CASP8: variants seen among roughly 807,000 people sequenced by gnomAD.
The protein encoded by CASP8 is caspase-8.
Under a neutral mutation model 46.3 loss-of-function variants are expected in CASP8, and 24 were observed. The ratio of observed to expected loss-of-function variants is 0.52; its 90% CI spans 0.38 to 0.73. CASP8 has a LOEUF of 0.73. Ranked by LOEUF, CASP8 falls within the 30% of genes least tolerant of loss-of-function variation. The pLI is 0.00. For missense variants in CASP8, 460 were observed against 559.0 expected (o/e 0.82, Z 1.79); for synonymous variants, 188 against 200.4 (o/e 0.94, Z 0.52).
intron 2 of CASP8, among the ~76,000 whole-genome samples, chr2:201,252,040 G>C: frequency 6.6e-6 from 1 of 152,132 alleles, no homozygotes; most frequent in Non-Finnish European, 1.5e-5. Context: ...TCAGTGTTTC[G>C]GATTTTAGCA....
intron 7 of CASP8, chr2:201,281,960 A>ATTTTT (rs1949065603): frequency 4.1e-5 from 4 of 97,884 alleles, no homozygotes; most frequent in Non-Finnish European, 5.7e-5. Flanking sequence ...TTTTTTATTG[A>ATTTTT]TCATTCTTGG....
chr2:201,245,326 C>T (rs2124941516), intron 2 of CASP8, among the ~76,000 whole-genome samples: 1 of 152,124 alleles, frequency 6.6e-6, no homozygotes, highest in South Asian at 2.1e-4. Context: ...CTGCTACTTC[C>T]ATCTCCCAGG....
intron 7 of CASP8, among the ~76,000 whole-genome samples, chr2:201,280,888 A>G (rs1029212211): frequency 3.3e-5 from 5 of 152,248 alleles, no homozygotes; most frequent in African/African-American, 1.2e-4. Context: ...TGGAGAAAAA[A>G]CAGTGTTAAG....
At position 201,272,898 on chromosome 2, in the gene CASP8, A is replaced by C. The variant is rs746647798; in HGVS notation, c.551A>C (p.Glu184Ala). 4.3e-6 allele frequency: 7 copies of C among 1,614,134 alleles called. No individual in the cohort carries two copies. Among genetic ancestry groups the C allele is most frequent in the South Asian group, 2.2e-5 (2 of 91,086 alleles). ...IINDYEEFSK[E>A]RSSSLEGSPD... ...TTTGGGGTTTCCCCTTTTAATTCAG[A>C]GAGAAGCAGCAGCCTTGAAGGAAGT... The change falls in exon 5 of 9, where the codon GAG becomes GCG. Residue 184 changes from glutamate to alanine, a missense_variant and splice_region_variant. Glu to Ala is a moderately radical substitution (Grantham distance 107). Transcript: ENST00000673742. This position sits in a 1 kb window ranked among gnomAD's most constrained non-coding sequence, Gnocchi z 4.4.
chr2:201,252,853 T>C lies in CASP8; in HGVS notation c.-26-13608T>C, dbSNP rs571780552. On this transcript the variant is annotated intron_variant, in intron 2 of 6. Transcript: ENST00000264274. ...CTAATTCATTTTGTAGTGAATGTGT[T>C]TTGTTACTACCACAGATACTCTTAA... 2.0e-5 allele frequency among the ~76,000 whole-genome samples: 3 copies of C among 152,324 alleles called. No homozygotes were observed. The East Asian group carries it at 5.8e-4, about 29-fold the overall frequency.
intron 2 of CASP8, chr2:201,241,195 T>G (rs1450185132): frequency 6.6e-6 from 1 of 151,396 alleles, no homozygotes; most frequent in Non-Finnish European, 1.5e-5. Context: ...AAGATTAGAG[T>G]AGGAACCAAG....
At chr2:201,235,797 G>A (rs1946023306) in intron 2 of CASP8, among the ~76,000 whole-genome samples, 1 of 152,078 alleles carries the variant, frequency 6.6e-6, no homozygotes, top group Admixed American at 6.5e-5. Flanking sequence ...ATATGATGGT[G>A]GTCTCATAAG....
rs36025952 is a variant in CASP8 at position 201,234,421 on chromosome 2, A to G, written c.-27+309A>G. On this transcript the variant is annotated intron_variant, in intron 2 of 6. Coordinates refer to the CASP8 transcript ENST00000264274. ...GTACGCAGACATTATGCACTAAATG[A>G]CAATGGCTCACATAGTGAAAAGTTA... Among the ~76,000 whole-genome samples, 215 of 152,302 alleles carry G rather than the reference A, an allele frequency of 1.4e-3. 9 individuals carry two copies. In the East Asian group the frequency reaches 0.038, roughly 27 times the overall value.
intron 2 of CASP8, among the ~76,000 whole-genome samples, chr2:201,267,938 T>G (rs1024502003): frequency 2.6e-5 from 4 of 152,320 alleles, no homozygotes; most frequent in Admixed American, 2.6e-4. Context: ...TGTTTTGTTT[T>G]GTTTTTGAGA....
At chr2:201,241,194 G>A (rs1238919523) in intron 2 of CASP8, 6 of 152,066 alleles carry the variant, frequency 3.9e-5, no homozygotes, top group African/African-American at 1.4e-4. Flanking sequence ...AAAGATTAGA[G>A]TAGGAACCAA....
chr2:201,286,191 A>G lies in CASP8; in HGVS notation c.1305-268A>G, dbSNP rs35550815. On this transcript the variant is annotated intron_variant, in intron 8 of 8. Transcript: ENST00000673742. ...GAGAAGAGTGAGAGACACACAGGTCAGGAGAGAAAGAAACCAACTCTAATA... is the reference window on the plus strand; with the variant it reads ...GAGAAGAGTGAGAGACACACAGGTCGGGAGAGAAAGAAACCAACTCTAATA... Among the ~76,000 whole-genome samples, 14,907 of 152,328 alleles carry G rather than the reference A, an allele frequency of 0.098. 820 individuals are homozygous for G. Among genetic ancestry groups the G allele is most frequent in the Non-Finnish European group, 0.13 (8,879 of 68,028 alleles).
intron 2 of CASP8, chr2:201,242,079 T>C (rs1006443690): frequency 6.6e-6 from 1 of 152,190 alleles, no homozygotes; most frequent in African/African-American, 2.4e-5. Flanking sequence ...TAAGAAAATT[T>C]TCACTGTTGA....
At position 201,247,530 on chromosome 2, in the gene CASP8, A is replaced by G. The variant is rs572876689; in HGVS notation, c.-27+13418A>G. On this transcript the variant is annotated intron_variant, in intron 2 of 6. Transcript: ENST00000264274. Reference sequence around the variant, plus strand: ...AAACAGAGCCTCACTCTGTTGCCCAATGCAGTGGTGTGATCTCGGCTCACT... The same window carrying G: ...AAACAGAGCCTCACTCTGTTGCCCAGTGCAGTGGTGTGATCTCGGCTCACT... 9.3e-5 allele frequency among the ~76,000 whole-genome samples: 14 copies of G among 150,594 alleles called. No individual in the cohort carries two copies. In the South Asian group the frequency reaches 2.7e-3, roughly 29 times the overall value.
chr2:201,238,257 T>C (rs1399304618), intron 2 of CASP8, among the ~76,000 whole-genome samples: 1 of 152,120 alleles, frequency 6.6e-6, no homozygotes, highest in Non-Finnish European at 1.5e-5. Context: ...GCTTGTGGCA[T>C]CTTGTGGAGC....
intron 5 of CASP8, 117 bp downstream of exon 5, chr2:201,273,059 T>A: frequency 2.2e-5 from 4 of 180,010 alleles, no homozygotes; most frequent in Non-Finnish European, 3.8e-5. Context: ...CTACTTTTTC[T>A]TTTTTTTTTT....
At chr2:201,279,732 C>T (rs1304211171) in intron 7 of CASP8, among the ~76,000 whole-genome samples, 6 of 152,186 alleles carry the variant, frequency 3.9e-5, no homozygotes, top group East Asian at 1.9e-4. Flanking sequence ...GCAGGCGAAT[C>T]GCCTGAGGTC....
chr2:201,281,736 A>G (rs1949027373), intron 7 of CASP8: 1 of 646,178 alleles, frequency 1.5e-6, no homozygotes, highest in South Asian at 1.7e-5. Flanking sequence ...AAATTGGTTC[A>G]GTAGTAAGCC....
intron 8 of CASP8, 147 bp downstream of exon 8, chr2:201,285,464 A>C: frequency 1.0e-6 from 1 of 1,001,084 alleles, no homozygotes; most frequent in Non-Finnish European, 1.5e-6. Flanking sequence ...GTCCAAGGGG[A>C]GTGGTTTCCG....
chr2:201,285,009 C>A lies in CASP8; in HGVS notation c.996C>A (p.Pro332=), dbSNP rs1462291661. 1.9e-6 allele frequency: 3 copies of A among 1,614,134 alleles called. No homozygotes were observed. In the South Asian group the frequency reaches 3.3e-5, roughly 18 times the overall value. Residue 332 remains proline, a synonymous_variant, in exon 8 of 9, where the codon CCC becomes CCA. Transcript: ENST00000673742. ...IIYGTDGQEA[P]IYELTSQFTG... The stretch of plus-strand genomic sequence containing the variant: ...ATGGCACTGATGGACAGGAGGCCCC[C>A]ATCTATGAGCTGACATCTCAGTTCA...
Sources: gnomAD v4.1 joint callset for allele counts (sites outside exome capture counted in the v4.1 genomes callset) on GRCh38, gnomAD v4.1.1 for gene constraint, Gnocchi (gnomAD v3.1) non-coding constraint, MANE v1.5 for transcripts, NCBI Gene and HGNC (gene_info 2026-07-23, HGNC 2026-07-21) for gene names.